The following UTY variants were observed in gnomAD, a reference collection of about 807,000 sequenced individuals.
UTY encodes ubiquitously transcribed tetratricopeptide repeat containing, Y-linked.
A neutral mutation model predicts 32.5 loss-of-function variants in UTY; 12 were observed. The ratio of observed to expected loss-of-function variants is 0.37; its 90% CI spans 0.24 to 0.60. The LOEUF is 0.60. Among genes scored for constraint, UTY ranks in the 20% least tolerant of loss-of-function variants. The pLI is 0.69. For missense variants in UTY, 303 were observed against 299.2 expected (o/e 1.01, Z -0.09); for synonymous variants, 131 against 103.4 (o/e 1.27, Z -1.62).
chrY:13,446,574 ATAGATAGATAG>A (rs2075810938), intron 4 of UTY, among the ~76,000 whole-genome samples: 1 of 19,000 alleles, frequency 5.3e-5, no homozygotes, highest in South Asian at 1.7e-3. Context: ...AGATAGATAG[ATAGATAGATAG>A]ATAGATAGAT....
chrY:13,293,805 G>GA (rs2057886062), intron 27 of UTY, among the ~76,000 whole-genome samples: 1 of 29,896 alleles, frequency 3.3e-5, no homozygotes, highest in African/African-American at 1.3e-4. Flanking sequence ...CTACTAAAAA[G>GA]AAAAAAAAAT....
intron 17 of UTY, among the ~76,000 whole-genome samples, chrY:13,352,655 G>C (rs2062511294): frequency 3.0e-5 from 1 of 33,826 alleles, no homozygotes; most frequent in African/African-American, 1.2e-4. Context: ...AAGTTAGTGA[G>C]GAAGGCATGT....
chrY:13,288,326 G>T, intron 27 of UTY, among the ~76,000 whole-genome samples: 3 of 29,085 alleles, frequency 1.0e-4, no homozygotes, highest in African/African-American at 2.8e-4. Context: ...TTACATGGTG[G>T]AGTTCCAATT....
At chrY:13,376,897 A>G in intron 8 of UTY, among the ~76,000 whole-genome samples, 1 of 33,583 alleles carries the variant, frequency 3.0e-5, no homozygotes, top group East Asian at 7.8e-4. Flanking sequence ...CAGCAACATT[A>G]GAGTGAGAGC....
chrY:13,266,886 C>A (rs2055859922), intron 27 of UTY, among the ~76,000 whole-genome samples: 1 of 32,972 alleles, frequency 3.0e-5, no homozygotes, highest in African/African-American at 1.2e-4. Flanking sequence ...GTTAAGATTT[C>A]CATTCTTTTT....
intron 6 of UTY, among the ~76,000 whole-genome samples, chrY:13,405,020 T>A: frequency 3.0e-5 from 1 of 33,172 alleles, no homozygotes; most frequent in African/African-American, 1.2e-4. Flanking sequence ...TAAGTGTTCA[T>A]CAATGATTGA....
chrY:13,407,339 T>A (rs2070202512), intron 6 of UTY, among the ~76,000 whole-genome samples: 1 of 32,655 alleles, frequency 3.1e-5, no homozygotes, highest in African/African-American at 1.2e-4. Flanking sequence ...ACTTTTAATC[T>A]AGTTAATCAA....
At chrY:13,464,967 A>G (rs771745257) in intron 3 of UTY, among the ~76,000 whole-genome samples, 1 of 32,032 alleles carries the variant, frequency 3.1e-5, no homozygotes, top group Admixed American at 2.9e-4. Context: ...AGTCCCAGCT[A>G]CTTGGGAGGC....
intron 21 of UTY, among the ~76,000 whole-genome samples, chrY:13,317,502 T>TG (rs2059565037): frequency 3.0e-5 from 1 of 33,725 alleles, no homozygotes; most frequent in Non-Finnish European, 7.3e-5. Context: ...AAAGTTAGTT[T>TG]GGCCTACACC....
chrY:13,313,468 T>A (rs2059308688), intron 21 of UTY, among the ~76,000 whole-genome samples: 2 of 33,253 alleles, frequency 6.0e-5, no homozygotes, highest in Non-Finnish European at 1.5e-4. Context: ...GGAAACAGGA[T>A]AAAGGTCTTC....
intron 27 of UTY, among the ~76,000 whole-genome samples, chrY:13,281,081 A>G (rs751436607): frequency 3.9e-4 from 13 of 33,545 alleles, no homozygotes; most frequent in Admixed American, 3.6e-3. Flanking sequence ...ACAAAGGAGA[A>G]ATACTTCTGA....
chrY:13,264,805 T>TAAAGTCTTTGCCCA (rs2055617209), intron 27 of UTY, among the ~76,000 whole-genome samples: 1 of 33,786 alleles, frequency 3.0e-5, no homozygotes, highest in African/African-American at 1.2e-4. Context: ...GTTTTAGTCA[T>TAAAGTCTTTGCCCA]AAAGTCTTTG....
chrY:13,355,920 T>C lies in UTY; in HGVS notation c.1665+3A>G, dbSNP rs774393520. 3 of 378,050 alleles carry C rather than the reference T, an allele frequency of 7.9e-6. No individual in the cohort carries two copies. In the South Asian group the frequency reaches 9.7e-5, roughly 12 times the overall value. 94.3% of individuals were successfully genotyped at this position (378,050 alleles called of 400,897 possible). ...TTAGAGAAAATAAAAATATTATACA[T>C]ACTTGCTGCATTAAGACAAACTGAC... is the stretch of plus-strand genomic sequence containing the variant. On this transcript the variant is annotated splice_donor_region_variant and intron_variant, in intron 16 of 29. Transcript: ENST00000545955.
chrY:13,260,230 C>T, intron 28 of UTY, 48 bp downstream of exon 28: 3 of 379,215 alleles, frequency 7.9e-6, no homozygotes, highest in Non-Finnish European at 1.1e-5. Flanking sequence ...CAATTCAAAA[C>T]CTAGAGAATC....
At chrY:13,253,985 C>A in intron 28 of UTY, among the ~76,000 whole-genome samples, 1 of 33,167 alleles carries the variant, frequency 3.0e-5, no homozygotes, top group Non-Finnish European at 7.4e-5. Context: ...GGAAACAATA[C>A]CCTGCCTTTA....
chrY:13,269,602 CAAAACAAAAA>C (rs2056135950), intron 27 of UTY, among the ~76,000 whole-genome samples: 2 of 31,674 alleles, frequency 6.3e-5, no homozygotes, highest in African/African-American at 1.3e-4. Context: ...CAAAACAAAA[CAAAACAAAAA>C]AAAACTGCAG....
chrY:13,373,462 A>T, intron 8 of UTY, among the ~76,000 whole-genome samples: 1 of 33,589 alleles, frequency 3.0e-5, no homozygotes, highest in Non-Finnish European at 7.4e-5. Flanking sequence ...CTGTGAATGT[A>T]CTTAATGCTA....
chrY:13,360,586 A>G, intron 10 of UTY, 58 bp from the exon 11 acceptor site: 1 of 273,439 alleles, frequency 3.7e-6, no homozygotes, highest in East Asian at 1.1e-4. Context: ...TGCCAAAAAG[A>G]TGAACTGTAT....
intron 27 of UTY, among the ~76,000 whole-genome samples, chrY:13,288,415 C>T: frequency 7.1e-5 from 2 of 28,118 alleles, no homozygotes; most frequent in South Asian, 9.1e-4. Flanking sequence ...CGGGACTGGA[C>T]GGCCCCCACC....
Sources: gnomAD v4.1 joint callset for allele counts (sites outside exome capture counted in the v4.1 genomes callset) on GRCh38, gnomAD v4.1.1 for gene constraint, MANE v1.5 for transcripts, NCBI Gene and HGNC (gene_info 2026-07-23, HGNC 2026-07-21) for gene names.